PPP3CA: variants seen among roughly 807,000 people sequenced by gnomAD.
PPP3CA encodes the protein CAM-PRP catalytic subunit.
Under a neutral mutation model 66.5 loss-of-function variants are expected in PPP3CA, and 14 were observed. That is an observed-to-expected ratio of 0.21 (90% CI 0.14 to 0.33). The LOEUF is 0.33. Among genes scored for constraint, PPP3CA ranks in the 10% least tolerant of loss-of-function variants. The pLI, the probability that PPP3CA is intolerant of heterozygous loss-of-function variation, is 1.00. For missense variants in PPP3CA, 317 were observed against 639.5 expected (o/e 0.50, Z 5.44); for synonymous variants, 232 against 226.2 (o/e 1.03, Z -0.23).
At chr4:101,114,158 C>T (rs992515629) in intron 2 of PPP3CA, among the ~76,000 whole-genome samples, 3 of 152,002 alleles carry the variant, frequency 2.0e-5, no homozygotes, top group Admixed American at 2.0e-4. Context: ...ACACTCCTAG[C>T]GCTCTATGAA....
chr4:101,042,492 G>A lies in PPP3CA; in HGVS notation c.1157-1926C>T, dbSNP rs113060956. On this transcript the variant is annotated intron_variant, in intron 10 of 13. Transcript: ENST00000394854. The stretch of plus-strand genomic sequence containing the variant: ...CTACCTGCAAATGGGTGGAATAAGT[G>A]TCTATCCATGTGGGAGACAGCTGTT... Among the ~76,000 whole-genome samples the A allele has an allele frequency of 6.7e-3, 1,016 of 152,246 alleles. 6 individuals are homozygous for A. Among genetic ancestry groups the A allele is most frequent in the South Asian group, 0.031 (151 of 4,816 alleles).
chr4:101,239,722 C>A (rs1413288920), intron 1 of PPP3CA, among the ~76,000 whole-genome samples: 1 of 152,018 alleles, frequency 6.6e-6, no homozygotes, highest in Non-Finnish European at 1.5e-5. Flanking sequence ...ATTAAGACTG[C>A]CATGGGCCTT....
Position 101,308,008 on chromosome 4 carries a change from G to A in PPP3CA, c.58+38731C>T, listed in dbSNP as rs143623052. Among the ~76,000 whole-genome samples, 212 of 152,270 alleles carry A rather than the reference G, an allele frequency of 1.4e-3. 1 individual carries two copies. Among genetic ancestry groups the A allele is most frequent in the African/African-American group, 5.0e-3 (209 of 41,548 alleles). On this transcript the variant is annotated intron_variant, in intron 1 of 13. Transcript: ENST00000394854. The stretch of plus-strand genomic sequence containing the variant: ...ATAAAGAAAGCATAATGGTTACTAA[G>A]CAGTCAAGGGAGAATTTCATAATTA...
chr4:101,260,551 T>C (rs1401253137), intron 1 of PPP3CA, among the ~76,000 whole-genome samples: 1 of 152,144 alleles, frequency 6.6e-6, no homozygotes, highest in Non-Finnish European at 1.5e-5. Context: ...TAAGCCTTTA[T>C]ATTAAATGAT....
At chr4:101,166,901 A>G (rs2110311727) in intron 2 of PPP3CA, among the ~76,000 whole-genome samples, 1 of 152,300 alleles carries the variant, frequency 6.6e-6, no homozygotes, top group Non-Finnish European at 1.5e-5. Flanking sequence ...AACAAGAGCT[A>G]AATTATTAGA....
intron 2 of PPP3CA, among the ~76,000 whole-genome samples, chr4:101,118,043 C>A (rs1415142846): frequency 1.3e-5 from 2 of 152,038 alleles, no homozygotes; most frequent in Non-Finnish European, 2.9e-5. Context: ...GATGGACTGT[C>A]ATTACTGTCC....
intron 1 of PPP3CA, among the ~76,000 whole-genome samples, chr4:101,247,532 CA>C (rs1726525686): frequency 2.0e-5 from 3 of 152,110 alleles, no homozygotes; most frequent in African/African-American, 7.2e-5. Context: ...TACTATTCTG[CA>C]TTTTGTACTA....
intron 1 of PPP3CA, among the ~76,000 whole-genome samples, chr4:101,210,822 G>A (rs1240623803): frequency 6.6e-6 from 1 of 152,070 alleles, no homozygotes; most frequent in Non-Finnish European, 1.5e-5. Context: ...CAAATCATTA[G>A]ACAAGTTCTC....
chr4:101,221,444 T>C (rs1725621547), intron 1 of PPP3CA, among the ~76,000 whole-genome samples: 1 of 103,984 alleles, frequency 9.6e-6, no homozygotes, highest in Non-Finnish European at 2.3e-5. Flanking sequence ...AAAGTTTGTT[T>C]AAAATAAAAC....
intron 2 of PPP3CA, among the ~76,000 whole-genome samples, chr4:101,144,572 C>A (rs1016503833): frequency 3.3e-5 from 5 of 152,164 alleles, no homozygotes; most frequent in Non-Finnish European, 5.9e-5. Flanking sequence ...TTATTCCCTG[C>A]AAATTGTTCT....
chr4:101,032,473 C>T, intron 11 of PPP3CA, 109 bp from the exon 12 acceptor site: 1 of 849,690 alleles, frequency 1.2e-6, no homozygotes, highest in Non-Finnish European at 1.9e-6. Flanking sequence ...TTCCCTCTAT[C>T]TTGGCTCTCC....
chr4:101,199,559 C>T (rs1724906095), intron 1 of PPP3CA, among the ~76,000 whole-genome samples: 1 of 152,190 alleles, frequency 6.6e-6, no homozygotes, highest in South Asian at 2.1e-4. Context: ...GCTTTCTCTA[C>T]TTCACAATTC....
chr4:101,285,599 A>ATGTGTGTATG (rs1727818730), intron 1 of PPP3CA, among the ~76,000 whole-genome samples: 1 of 124,528 alleles, frequency 8.0e-6, no homozygotes. Context: ...CACTGTGTGT[A>ATGTGTGTATG]TGTGTGTGTG....
intron 1 of PPP3CA, among the ~76,000 whole-genome samples, chr4:101,342,904 T>G (rs1278496764): frequency 1.3e-5 from 2 of 152,216 alleles, no homozygotes; most frequent in African/African-American, 4.8e-5. Flanking sequence ...CTGGAATCCT[T>G]ATTTACTTAA....
rs1025181649 is a variant in PPP3CA at position 101,116,552 on chromosome 4, G to T, written c.260-7474C>A. 4.0e-5 allele frequency among the ~76,000 whole-genome samples: 6 copies of T among 151,728 alleles called. No individual in the cohort carries two copies. The East Asian group carries it at 9.7e-4, about 24-fold the overall frequency. ...TGCTTCCTCCTGTTGATAATCCAGGGTTATGGAACCATAAGTGGATGGTAA... is the reference window on the plus strand; with the variant it reads ...TGCTTCCTCCTGTTGATAATCCAGGTTTATGGAACCATAAGTGGATGGTAA... On this transcript the variant is annotated intron_variant, in intron 2 of 13. Coordinates refer to ENST00000394854, the MANE Select transcript of PPP3CA (RefSeq NM_000944.5).
At chr4:101,240,298 T>C (rs998019747) in intron 1 of PPP3CA, among the ~76,000 whole-genome samples, 5 of 152,084 alleles carry the variant, frequency 3.3e-5, no homozygotes. Context: ...ACCACTCCAG[T>C]AGCAACTACT....
chr4:101,263,510 G>A (rs1456265123), intron 1 of PPP3CA, among the ~76,000 whole-genome samples: 2 of 152,056 alleles, frequency 1.3e-5, no homozygotes, highest in Admixed American at 1.3e-4. Context: ...GACAAGGTGT[G>A]TTCCTTACTG....
intron 6 of PPP3CA, among the ~76,000 whole-genome samples, chr4:101,089,803 T>C (rs778470719): frequency 1.3e-5 from 2 of 152,226 alleles, no homozygotes; most frequent in Non-Finnish European, 2.9e-5. Flanking sequence ...AAGATAATGG[T>C]ACATTGGGGC....
chr4:101,227,641 G>A (rs1466953115), intron 1 of PPP3CA, among the ~76,000 whole-genome samples: 1 of 151,518 alleles, frequency 6.6e-6, no homozygotes, highest in Non-Finnish European at 1.5e-5. Context: ...GTTGCAGGGG[G>A]TTGGTGTACA....
Sources: allele counts gnomAD v4.1 joint callset (sites outside exome capture counted in the v4.1 genomes callset), GRCh38; gene constraint gnomAD v4.1.1; transcripts MANE v1.5; gene names NCBI Gene and HGNC (gene_info 2026-07-23, HGNC 2026-07-21).